The following PIK3C2G variants were observed in gnomAD, a reference collection of about 807,000 sequenced individuals.
The protein encoded by PIK3C2G is phosphatidylinositol-4-phosphate 3-kinase catalytic subunit type 2 gamma.
In PIK3C2G, 168 loss-of-function variants were observed where a neutral mutation model predicts 181.1. The ratio of observed to expected loss-of-function variants is 0.93; its 90% CI spans 0.82 to 1.05. The LOEUF is 1.05. PIK3C2G is among the 50% of genes least tolerant of loss of function. The probability of loss-of-function intolerance (pLI) is 0.00; values close to 1 mark genes in which losing one functional copy is unlikely to be tolerated. For missense variants in PIK3C2G, 1,869 were observed against 1,732.8 expected (o/e 1.08, Z -1.40); for synonymous variants, 573 against 592.2 (o/e 0.97, Z 0.47).
At chr12:18,416,962 T>C (rs1200692710) in intron 16 of PIK3C2G, among the ~76,000 whole-genome samples, 2 of 152,130 alleles carry the variant, frequency 1.3e-5, no homozygotes, top group African/African-American at 2.4e-5. Flanking sequence ...TCTGGGTAAA[T>C]TGGAAACCTT....
At chr12:18,301,367 G>A (rs757606969) in intron 5 of PIK3C2G, among the ~76,000 whole-genome samples, 1 of 152,014 alleles carries the variant, frequency 6.6e-6, no homozygotes, top group Non-Finnish European at 1.5e-5. Context: ...GCTTTATGGT[G>A]TCCCATATGT....
At chr12:18,381,107 T>C (rs1942805361) in intron 13 of PIK3C2G, among the ~76,000 whole-genome samples, 1 of 152,196 alleles carries the variant, frequency 6.6e-6, no homozygotes, top group Non-Finnish European at 1.5e-5. Flanking sequence ...TTACTGAAGC[T>C]GTTAAAACCA....
the PIK3C2G span, chr12:18,684,358 C>A: frequency 7.1e-7 from 1 of 1,402,764 alleles, no homozygotes. Context: ...GTTCTCCAAA[C>A]TTTTTCTTTT....
chr12:18,250,184 A>T (rs1055748161), intron 1 of PIK3C2G, among the ~76,000 whole-genome samples: 1 of 152,104 alleles, frequency 6.6e-6, no homozygotes. Flanking sequence ...AAATAGATTT[A>T]TACATTTTAT....
intron 14 of PIK3C2G, among the ~76,000 whole-genome samples, chr12:18,387,261 T>G (rs997656201): frequency 6.6e-6 from 1 of 152,292 alleles, no homozygotes; most frequent in Admixed American, 6.5e-5. Context: ...AATCCAAAAT[T>G]TATACAGTCA....
At position 18,503,280 on chromosome 12, in the gene PIK3C2G, G is replaced by A. The variant is rs754307723; in HGVS notation, c.3017-1G>A. 1.3e-6 allele frequency: 2 copies of A among 1,592,938 alleles called. No homozygotes were observed. The highest frequency in any genetic ancestry group is 2.3e-5 in the South Asian group (2 of 86,590). On this transcript the variant is annotated splice_acceptor_variant, in intron 22 of 32. Coordinates refer to ENST00000538779, the MANE Select transcript of PIK3C2G (RefSeq NM_001288772.2). LOFTEE classifies it high-confidence loss of function. ...TCTGTAATCTTTTTTTTCTCTACCA[G>A]GATTGGTGCAGATGGTACCTGATGC...
At chr12:18,391,075 AT>A in intron 14 of PIK3C2G, 46 bp from the exon 15 acceptor site, 1 of 1,469,162 alleles carries the variant, frequency 6.8e-7, no homozygotes, top group South Asian at 1.4e-5. Flanking sequence ...TCAATAATGT[AT>A]TTTGAGACAC....
the PIK3C2G span, among the ~76,000 whole-genome samples, chr12:18,720,573 G>T: frequency 6.6e-6 from 1 of 151,644 alleles, no homozygotes; most frequent in African/African-American, 2.4e-5. Context: ...TCTGTGGAAT[G>T]GGGGTAATAA....
chr12:18,684,660 G>T, the PIK3C2G span, among the ~76,000 whole-genome samples: 1 of 152,048 alleles, frequency 6.6e-6, no homozygotes, highest in African/African-American at 2.4e-5. Context: ...TAATCATTAT[G>T]CAATATGACT....
chr12:18,594,514 T>C lies in PIK3C2G; in HGVS notation c.4032T>C (p.Phe1344=). The stretch of plus-strand genomic sequence containing the variant: ...TTCAGAGTGATTGTGTACTTAGCTT[T>C]TTCCTCTCTGAGGCTGTGCAACAAA... ...EVTNSDCVLS[F]FLSEAVQQTV... Residue 1344 remains phenylalanine, a synonymous_variant, in exon 30 of 33, where the codon TTT becomes TTC. Transcript: ENST00000538779. 1 of 1,556,088 alleles carries C rather than the reference T, an allele frequency of 6.4e-7. No homozygotes were observed. The highest frequency in any genetic ancestry group is 1.3e-5 in the South Asian group (1 of 79,262).
chr12:18,275,071 A>G (rs1948925263), intron 1 of PIK3C2G, among the ~76,000 whole-genome samples: 1 of 152,214 alleles, frequency 6.6e-6, no homozygotes, highest in Non-Finnish European at 1.5e-5. Flanking sequence ...GAGTTCCTGC[A>G]TGTTTCCTGA....
At chr12:18,689,057 C>T in the PIK3C2G span, among the ~76,000 whole-genome samples, 109 of 152,102 alleles carry the variant, frequency 7.2e-4, 1 homozygote, top group Non-Finnish European at 1.3e-3. Context: ...CCACAGATTA[C>T]GGCATTAGCT....
intron 21 of PIK3C2G, among the ~76,000 whole-genome samples, chr12:18,496,928 T>C (rs949743849): frequency 6.6e-6 from 1 of 152,168 alleles, no homozygotes; most frequent in Non-Finnish European, 1.5e-5. Flanking sequence ...AATCTTATCT[T>C]GGCAGGATTT....
the PIK3C2G span, among the ~76,000 whole-genome samples, chr12:18,711,482 T>C: frequency 6.6e-6 from 1 of 150,504 alleles, no homozygotes; most frequent in African/African-American, 2.4e-5. Flanking sequence ...CATGTATCCA[T>C]ATGTAACAAA....
At chr12:18,434,593 AG>A (rs1270614603) in intron 18 of PIK3C2G, among the ~76,000 whole-genome samples, 1 of 152,188 alleles carries the variant, frequency 6.6e-6, no homozygotes, top group Non-Finnish European at 1.5e-5. Flanking sequence ...TCCGTAGGCC[AG>A]AAGTCAGTAA....
chr12:18,564,298 G>A (rs1300944428), intron 28 of PIK3C2G, among the ~76,000 whole-genome samples: 1 of 151,850 alleles, frequency 6.6e-6, no homozygotes, highest in Non-Finnish European at 1.5e-5. Flanking sequence ...TTTTAAAAAT[G>A]TGAGCTTTCC....
At chr12:18,483,634 GT>G (rs1381577180) in intron 18 of PIK3C2G, among the ~76,000 whole-genome samples, 1 of 150,252 alleles carries the variant, frequency 6.7e-6, no homozygotes, top group African/African-American at 2.5e-5. Context: ...GATGACTTTT[GT>G]TTATTTTCAG....
chr12:18,455,285 T>A (rs1456338836), intron 18 of PIK3C2G, among the ~76,000 whole-genome samples: 1 of 150,680 alleles, frequency 6.6e-6, no homozygotes, highest in East Asian at 2.0e-4. Flanking sequence ...CACCAGTAGG[T>A]GGGATCATTG....
chr12:18,692,576 T>G, the PIK3C2G span, among the ~76,000 whole-genome samples: 2 of 152,078 alleles, frequency 1.3e-5, no homozygotes, highest in African/African-American at 4.8e-5. Context: ...GGAAAGGTGC[T>G]AGGTGGGATA....
Sources: gnomAD v4.1 joint callset for allele counts (sites outside exome capture counted in the v4.1 genomes callset) on GRCh38, gnomAD v4.1.1 for gene constraint, MANE v1.5 for transcripts, NCBI Gene and HGNC (gene_info 2026-07-23, HGNC 2026-07-21) for gene names.